Variants in ZNF267 observed in about 807,000 individuals in gnomAD.
The protein encoded by ZNF267 is zinc finger (C2H2).
Under a neutral mutation model 71.6 loss-of-function variants are expected in ZNF267, and 61 were observed. The observed-to-expected ratio is 0.85, with a 90% confidence interval of 0.69 to 1.05. The LOEUF is 1.05. Among genes scored for constraint, ZNF267 ranks in the 50% least tolerant of loss-of-function variants. The probability of loss-of-function intolerance (pLI) is 0.00; values close to 1 mark genes in which losing one functional copy is unlikely to be tolerated. For missense variants in ZNF267, 852 were observed against 870.0 expected, an observed-to-expected ratio of 0.98 and a Z score of 0.26; for synonymous variants, 288 against 293.2, an observed-to-expected ratio of 0.98 and a Z score of 0.18.
chr16:31,885,744 G>A (rs1437270659), intron 3 of ZNF267, among the ~76,000 whole-genome samples: 1 of 152,114 alleles, frequency 6.6e-6, no homozygotes, highest in Non-Finnish European at 1.5e-5. Flanking sequence ...GGTTTCCAAG[G>A]TGATCCTATA....
intron 3 of ZNF267, among the ~76,000 whole-genome samples, chr16:31,908,821 C>T (rs935352806): frequency 2.0e-5 from 3 of 152,088 alleles, no homozygotes; most frequent in Non-Finnish European, 4.4e-5. Context: ...ATTACTACAG[C>T]TCTTTAGTGT....
chr16:31,882,709 T>C (rs545715001), intron 1 of ZNF267, among the ~76,000 whole-genome samples: 1 of 152,214 alleles, frequency 6.6e-6, no homozygotes, highest in African/African-American at 2.4e-5. Context: ...AAGATTATGA[T>C]TTACTGTTCC....
intron 3 of ZNF267, among the ~76,000 whole-genome samples, chr16:31,887,431 T>A (rs1224213264): frequency 6.6e-6 from 1 of 152,158 alleles, no homozygotes; most frequent in Non-Finnish European, 1.5e-5. Context: ...TTTTGTTGCT[T>A]GTGATTTTTT....
At chr16:31,902,604 G>T (rs1030055132) in intron 3 of ZNF267, among the ~76,000 whole-genome samples, 2 of 151,920 alleles carry the variant, frequency 1.3e-5, no homozygotes, top group Non-Finnish European at 2.9e-5. Context: ...GTCTGTTATT[G>T]GTGTATAAAA....
chr16:31,887,830 T>C (rs774526221), intron 3 of ZNF267, among the ~76,000 whole-genome samples: 2 of 152,184 alleles, frequency 1.3e-5, no homozygotes, highest in Non-Finnish European at 2.9e-5. Flanking sequence ...AGCTTTATTC[T>C]TCTTTTTCAA....
At chr16:31,883,857 C>T (rs1157797208) in intron 1 of ZNF267, among the ~76,000 whole-genome samples, 2 of 152,180 alleles carry the variant, frequency 1.3e-5, no homozygotes, top group African/African-American at 4.8e-5. Flanking sequence ...GAAGCATTAA[C>T]ACTACTGGTG....
intron 3 of ZNF267, among the ~76,000 whole-genome samples, chr16:31,902,083 T>C (rs1463826519): frequency 2.0e-5 from 3 of 152,240 alleles, no homozygotes; most frequent in African/African-American, 7.2e-5. Flanking sequence ...TTGTCAGGTT[T>C]GTCAAAGATC....
intron 3 of ZNF267, among the ~76,000 whole-genome samples, chr16:31,908,930 A>G (rs368547904): frequency 7.2e-5 from 11 of 151,734 alleles, no homozygotes; most frequent in East Asian, 3.9e-4. Context: ...ATATTTTAGG[A>G]TTGTTTTTTC....
intron 3 of ZNF267, among the ~76,000 whole-genome samples, chr16:31,902,955 C>T (rs1470457910): frequency 4.0e-5 from 6 of 151,232 alleles, no homozygotes; most frequent in South Asian, 2.1e-4. Context: ...TTATCTATGA[C>T]GTCCCATGAA....
intron 3 of ZNF267, among the ~76,000 whole-genome samples, chr16:31,901,977 G>A (rs2084045148): frequency 6.6e-6 from 1 of 152,196 alleles, no homozygotes; most frequent in African/African-American, 2.4e-5. Flanking sequence ...TGTATAAGGT[G>A]TAAGGAAGGG....
chr16:31,896,718 G>A (rs1179675632), intron 3 of ZNF267, among the ~76,000 whole-genome samples: 1 of 152,026 alleles, frequency 6.6e-6, no homozygotes, highest in East Asian at 1.9e-4. Context: ...TATTGTCTCC[G>A]GATTTATTCT....
At position 31,904,778 on chromosome 16, in the gene ZNF267, C is replaced by T. The variant is rs1359824092; in HGVS notation, c.227-9698C>T. On this transcript the variant is annotated intron_variant, in intron 3 of 3. Coordinates refer to ENST00000300870, the MANE Select transcript of ZNF267 (RefSeq NM_003414.6). ...TGTCTTTTAATTGGAGCATTTAGCC[C>T]GTTTACATTTAAGGTTAATATTCTT... Among the ~76,000 whole-genome samples the T allele has an allele frequency of 3.3e-5, 5 of 152,224 alleles. No homozygotes were observed. In the East Asian group the frequency reaches 9.7e-4, roughly 29 times the overall value.
At chr16:31,890,992 TTTA>T (rs1236660283) in intron 3 of ZNF267, among the ~76,000 whole-genome samples, 1 of 152,188 alleles carries the variant, frequency 6.6e-6, no homozygotes, top group Non-Finnish European at 1.5e-5. Flanking sequence ...CTATTACAGT[TTTA>T]TTGTTTTCTG....
In ZNF267 at chr16:31,915,771, A is replaced by G. The variant is rs1285432900; in HGVS notation, c.1522A>G (p.Thr508Ala). 6.2e-7 allele frequency: 1 copy of G among 1,613,350 alleles called. No individual in the cohort carries two copies. The highest frequency in any genetic ancestry group is 1.7e-5 in the Admixed American group (1 of 60,012). Reference protein sequence around the residue: ...GKVFSRSSCLTQHRKIHTGEN... With the variant: ...GKVFSRSSCLAQHRKIHTGEN... ...AGTCTTTAGCCGTAGTTCTTGCCTTACTCAACATCGGAAAATTCATACTGG... is the reference window on the plus strand; with the variant it reads ...AGTCTTTAGCCGTAGTTCTTGCCTTGCTCAACATCGGAAAATTCATACTGG... Residue 508 changes from threonine (T) to alanine (A), a missense_variant, in exon 4 of 4, where the codon ACT becomes GCT. Physicochemically the swap from Thr to Ala is moderately conservative, Grantham distance 58. Coordinates refer to ENST00000300870, the MANE Select transcript of ZNF267 (RefSeq NM_003414.6).
Position 31,915,870 on chromosome 16 carries a change from A to C in ZNF267, c.1621A>C (p.Ile541Leu). Residue 541 changes from isoleucine to leucine, a missense_variant, in exon 4 of 4, where the codon ATT (isoleucine) becomes CTT (leucine). Transcript: ENST00000300870. ...CFSNLIVHER[I>L]HTGEKPYKCK... The stretch of plus-strand genomic sequence containing the variant: ...CTCAAATCTTATTGTGCATGAGAGA[A>C]TTCATACTGGAGAGAAACCCTATAA... 1 of 1,613,798 alleles carries C rather than the reference A, an allele frequency of 6.2e-7. No individual in the cohort carries two copies. Among genetic ancestry groups the C allele is most frequent in the South Asian group, 1.1e-5 (1 of 91,082 alleles).
In ZNF267 at chr16:31,873,858, G is replaced by C; in HGVS notation, c.-109G>C. ...AGCTCCGAGTCTTTCGTTCTGGGAG[G>C]CCCAGGCGGCTTCGCGTTCTGAGAA... On this transcript the variant is annotated 5_prime_UTR_variant, in exon 1 of 4. Transcript: ENST00000300870. 1 of 1,479,722 alleles carries C rather than the reference G, an allele frequency of 6.8e-7. No homozygotes were observed. The highest frequency in any genetic ancestry group is 9.4e-7 in the Non-Finnish European group (1 of 1,060,908). The allele number at this position is 1,479,722 out of a possible 1,614,324, so 91.7% of individuals were successfully genotyped here. A position where few individuals can be genotyped will look rare whatever the true frequency, so the allele number is the denominator to read the frequency against.
At chr16:31,881,455 T>C (rs2083889289) in intron 1 of ZNF267, among the ~76,000 whole-genome samples, 1 of 151,926 alleles carries the variant, frequency 6.6e-6, no homozygotes, top group South Asian at 2.1e-4. Flanking sequence ...GCTCACAATT[T>C]CCCCAAACCC....
At chr16:31,875,683 C>A (rs1193375003) in intron 1 of ZNF267, among the ~76,000 whole-genome samples, 2 of 152,204 alleles carry the variant, frequency 1.3e-5, no homozygotes, top group Non-Finnish European at 2.9e-5. Flanking sequence ...AGGAGAATGT[C>A]TCAAATGATA....
Position 31,885,601 on chromosome 16 carries a change from A to G in ZNF267, c.226+345A>G, listed in dbSNP as rs559309872. On this transcript the variant is annotated intron_variant, in intron 3 of 3. Coordinates refer to ENST00000300870, the MANE Select transcript of ZNF267 (RefSeq NM_003414.6). Reference sequence around the variant, plus strand: ...TCTACCTCTATGTGAAACCACTTCTAAAGTTCTGGTTTTGCCTCATGTCAG... The same window carrying G: ...TCTACCTCTATGTGAAACCACTTCTGAAGTTCTGGTTTTGCCTCATGTCAG... 2.6e-5 allele frequency among the ~76,000 whole-genome samples: 4 copies of G among 152,254 alleles called. No homozygotes were observed. In the South Asian group the frequency reaches 8.3e-4, roughly 32 times the overall value.
Sources: allele counts gnomAD v4.1 joint callset (sites outside exome capture counted in the v4.1 genomes callset), GRCh38; gene constraint gnomAD v4.1.1; transcripts MANE v1.5; gene names NCBI Gene and HGNC (gene_info 2026-07-23, HGNC 2026-07-21).